COX15: variants seen among roughly 807,000 people sequenced by gnomAD.
The protein encoded by COX15 is cytochrome c oxidase assembly factor COX15.
Under a neutral mutation model 51.9 loss-of-function variants are expected in COX15, and 51 were observed. That is an observed-to-expected ratio of 0.98 (90% CI 0.78 to 1.24). The LOEUF (loss-of-function observed/expected upper bound fraction) is 1.24. Ranked by LOEUF, COX15 falls within the 50% of genes most tolerant of loss-of-function variation. The pLI is 0.00. For synonymous variants in COX15, 188 were observed against 190.5 expected, an observed-to-expected ratio of 0.99 and a Z score of 0.11; for missense variants, 420 against 501.1, an observed-to-expected ratio of 0.84 and a Z score of 1.55.
Position 99,714,401 on chromosome 10 carries a change from G to A in COX15, c.*186C>T. ...AGCAGATTTAAAAGGGAACATTTAG[G>A]GTAACCACACTTAATGCATTCTTGA... On this transcript the variant is annotated 3_prime_UTR_variant, in exon 9 of 9. Coordinates refer to ENST00000016171, the MANE Select transcript of COX15 (RefSeq NM_078470.6). 6.9e-7 allele frequency: 1 copy of A among 1,441,284 alleles called. No homozygotes were observed. The highest frequency in any genetic ancestry group is 9.1e-7 in the Non-Finnish European group (1 of 1,099,370). 89.3% of individuals were successfully genotyped at this position (1,441,284 alleles called of 1,614,324 possible). A position where few individuals can be genotyped will look rare whatever the true frequency, so the allele number is the denominator to read the frequency against.
intron 6 of COX15, 88 bp from the exon 7 acceptor site, chr10:99,718,588 A>C: frequency 7.4e-7 from 1 of 1,356,676 alleles, no homozygotes; most frequent in African/African-American, 1.4e-5. Flanking sequence ...CTGTTATCCC[A>C]GAGTTAAACT....
At chr10:99,699,868 T>C in the COX15 span, among the ~76,000 whole-genome samples, 1 of 151,828 alleles carries the variant, frequency 6.6e-6, no homozygotes, top group African/African-American at 2.4e-5. Flanking sequence ...ACCCAGCCTC[T>C]CCTCATATTT....
rs763754710 is a variant in COX15, at chr10:99,729,718, C to T, written c.107G>A (p.Arg36His). 2.4e-5 allele frequency: 39 copies of T among 1,613,988 alleles called. No homozygotes were observed. Among genetic ancestry groups the T allele is most frequent in the Middle Eastern group, 3.3e-4 (2 of 6,078 alleles). ...APRAQCDCIR[R>H]PLRPGQYSTI... ...GCTGTATTGCCCTGGCCTCAAAGGG[C>T]GCCTGATGCAATCACACTAAAGATC... The change falls in exon 2 of 9, where the codon CGC becomes CAC. Residue 36 changes from arginine (R) to histidine (H), a missense_variant. Coordinates refer to ENST00000016171, the MANE Select transcript of COX15 (RefSeq NM_078470.6).
chr10:99,729,617 C>CCACCACCCGCT lies in COX15; in HGVS notation c.197_207dup (p.Gly70SerfsTer24). On this transcript the variant is annotated frameshift_variant, in exon 2 of 9. Coordinates refer to ENST00000016171, the MANE Select transcript of COX15 (RefSeq NM_078470.6). LOFTEE classifies it high-confidence loss of function. Reference sequence around the variant, plus strand: ...CCACTGCAGACCAGGAGCCATCGGCCCACCACCCGCTCAGCAGCCTTTGAG... The same window carrying CCACCACCCGCT: ...CCACTGCAGACCAGGAGCCATCGGCCCACCACCCGCTCACCACCCGCTCAGCAGCCTTTGAG... 1 of 1,614,062 alleles carries CCACCACCCGCT rather than the reference C, an allele frequency of 6.2e-7. No individual in the cohort carries two copies. The highest frequency in any genetic ancestry group is 8.5e-7 in the Non-Finnish European group (1 of 1,180,028).
chr10:99,713,825 C>G lies in COX15; in HGVS notation c.*762G>C, dbSNP rs2036477103. 1 of 391,128 alleles carries G rather than the reference C, an allele frequency of 2.6e-6. No individual in the cohort carries two copies. Among genetic ancestry groups the G allele is most frequent in the Admixed American group, 4.6e-5 (1 of 21,612 alleles). 24.2% of individuals were successfully genotyped at this position (391,128 alleles called of 1,614,324 possible). On this transcript the variant is annotated 3_prime_UTR_variant, in exon 9 of 9. Coordinates refer to ENST00000016171, the MANE Select transcript of COX15 (RefSeq NM_078470.6). ...TCTCTACTAAAAATACAAAATTAGC[C>G]AGGCATGGTGACTTGTGCCTGTAGT...
chr10:99,718,860 C>T (rs1277568595), intron 6 of COX15, among the ~76,000 whole-genome samples: 2 of 152,150 alleles, frequency 1.3e-5, no homozygotes, highest in African/African-American at 4.8e-5. Flanking sequence ...TTTAGAAATG[C>T]TCTCCCACAG....
At chr10:99,723,143 CTCTT>C (rs915632883) in intron 5 of COX15, 1 of 152,484 alleles carries the variant, frequency 6.6e-6, no homozygotes, top group African/African-American at 2.4e-5. Flanking sequence ...TAATATAAGA[CTCTT>C]TTTTTTTTTT....
chr10:99,705,878 T>C (rs2036240293), downstream of COX15: 1 of 152,336 alleles, frequency 6.6e-6, no homozygotes, highest in African/African-American at 2.4e-5. Flanking sequence ...AATAATTACA[T>C]CTTCACCCAC....
chr10:99,712,964 T>TA lies in COX15; in HGVS notation c.*1622dup. 7 of 977,778 alleles carry TA rather than the reference T, an allele frequency of 7.2e-6. No homozygotes were observed. Among genetic ancestry groups the TA allele is most frequent in the Non-Finnish European group, 8.6e-6 (7 of 811,086 alleles). 60.6% of individuals were successfully genotyped at this position (977,778 alleles called of 1,614,324 possible). On this transcript the variant is annotated 3_prime_UTR_variant, in exon 9 of 9. Transcript: ENST00000016171. Reference sequence around the variant, plus strand: ...GTTCTCTGCTCCAGTTAAATATCCCTAGTTCCTTCACCTATTCCCTGTGTG... The same window carrying TA: ...GTTCTCTGCTCCAGTTAAATATCCCTAAGTTCCTTCACCTATTCCCTGTGTG...
chr10:99,717,754 C>T (rs958463010), intron 7 of COX15, among the ~76,000 whole-genome samples: 1 of 152,182 alleles, frequency 6.6e-6, no homozygotes, highest in Admixed American at 6.5e-5. Context: ...ACCATGTAGG[C>T]CCCATCTCCA....
At position 99,711,451 on chromosome 10, in the gene COX15, C is replaced by A; in HGVS notation, c.*3136G>T. On this transcript the variant is annotated 3_prime_UTR_variant, in exon 9 of 9. Transcript: ENST00000016171. ...TCTATCCAGAAGAGACCATATCCTACTAACATACTAATAGGAGCAACATAG... is the reference window on the plus strand; with the variant it reads ...TCTATCCAGAAGAGACCATATCCTAATAACATACTAATAGGAGCAACATAG... 3.0e-6 allele frequency: 3 copies of A among 985,038 alleles called. No homozygotes were observed. The highest frequency in any genetic ancestry group is 3.6e-6 in the Non-Finnish European group (3 of 829,604). The allele number at this position is 985,038 out of a possible 1,614,324, so 61.0% of individuals were successfully genotyped here.
At chr10:99,695,079 G>T in the COX15 span, among the ~76,000 whole-genome samples, 2 of 152,152 alleles carry the variant, frequency 1.3e-5, no homozygotes, top group Non-Finnish European at 2.9e-5. Context: ...ATGATAATGT[G>T]GAATGAGCTG....
At chr10:99,720,352 C>G (rs188768299) in intron 6 of COX15, among the ~76,000 whole-genome samples, 2 of 151,968 alleles carry the variant, frequency 1.3e-5, no homozygotes. Flanking sequence ...GGCTGAGGCA[C>G]GAGAATCGCT....
the COX15 span, among the ~76,000 whole-genome samples, chr10:99,700,416 G>A: frequency 6.9e-6 from 1 of 144,924 alleles, no homozygotes; most frequent in South Asian, 2.2e-4. Context: ...GTGTGTGTAT[G>A]TGTGTGTGTG....
At chr10:99,720,617 C>T (rs964243780) in intron 6 of COX15, among the ~76,000 whole-genome samples, 2 of 152,200 alleles carry the variant, frequency 1.3e-5, no homozygotes, top group East Asian at 3.8e-4. Flanking sequence ...TACATGCCAA[C>T]AACGATGCTA....
At chr10:99,700,989 C>G in the COX15 span, 1 of 1,614,046 alleles carries the variant, frequency 6.2e-7, no homozygotes, top group Non-Finnish European at 8.5e-7. Flanking sequence ...TGTGGCATGG[C>G]TTGGTCGGTA....
In COX15 at chr10:99,714,580, C is replaced by T; in HGVS notation, c.*7G>A. 6.2e-7 allele frequency: 1 copy of T among 1,614,046 alleles called. No individual in the cohort carries two copies. The highest frequency in any genetic ancestry group is 1.3e-5 in the African/African-American group (1 of 75,024). ...GTCACAGTCCCAGGAGGCTGGTCCT[C>T]TAAGAATCATTTTGGGACTCTTCGG... On this transcript the variant is annotated 3_prime_UTR_variant, in exon 9 of 9. Coordinates refer to ENST00000016171, the MANE Select transcript of COX15 (RefSeq NM_078470.6).
the COX15 span, among the ~76,000 whole-genome samples, chr10:99,702,345 C>G: frequency 1.3e-5 from 2 of 152,082 alleles, no homozygotes; most frequent in African/African-American, 4.8e-5. Context: ...GTGGTAAACA[C>G]AAGATAAGTA....
chr10:99,701,051 C>A, the COX15 span: 3 of 1,613,464 alleles, frequency 1.9e-6, no homozygotes, highest in Non-Finnish European at 2.5e-6. Flanking sequence ...AGATGAGCAT[C>A]GACTCAAGTA....
Sources: gnomAD v4.1 joint callset for allele counts (sites outside exome capture counted in the v4.1 genomes callset) on GRCh38, gnomAD v4.1.1 for gene constraint, MANE v1.5 for transcripts, NCBI Gene and HGNC (gene_info 2026-07-23, HGNC 2026-07-21) for gene names.